The following NECTIN3 variants were observed in gnomAD, a reference collection of about 807,000 sequenced individuals.
The protein encoded by NECTIN3 is nectin cell adhesion molecule 3, also known as nectin-3.
NECTIN3 carries 8 observed loss-of-function variants against 49.4 expected under a neutral mutation model. The observed-to-expected ratio is 0.16, with a 90% confidence interval of 0.10 to 0.29. NECTIN3 has a LOEUF of 0.29. Ranked by LOEUF, NECTIN3 falls within the 10% of genes least tolerant of loss-of-function variation. The probability of loss-of-function intolerance (pLI) is 1.00; values close to 1 mark genes in which losing one functional copy is unlikely to be tolerated. For synonymous variants in NECTIN3, 277 were observed against 241.1 expected, an observed-to-expected ratio of 1.15 and a Z score of -1.38; for missense variants, 581 against 654.6, an observed-to-expected ratio of 0.89 and a Z score of 1.23.
chr3:111,126,666 A>T (rs115910062), intron 5 of NECTIN3, among the ~76,000 whole-genome samples: 1,528 of 152,264 alleles, frequency 0.01, 33 homozygotes, highest in African/African-American at 0.033. Context: ...TACACTAAGA[A>T]CAAATAGTGA....
chr3:111,082,398 A>G (rs1351787021), intron 1 of NECTIN3, among the ~76,000 whole-genome samples: 1 of 152,112 alleles, frequency 6.6e-6, no homozygotes, highest in African/African-American at 2.4e-5. Flanking sequence ...GAGAGTGAGA[A>G]GAAAAAAGTG....
At chr3:111,173,706 T>C (rs1403318003) in intron 7 of NECTIN3, among the ~76,000 whole-genome samples, 2 of 152,214 alleles carry the variant, frequency 1.3e-5, no homozygotes, top group East Asian at 1.9e-4. Flanking sequence ...ATAATCTCTT[T>C]TATTATCCAC....
At chr3:111,118,261 TA>T (rs1559789286) in intron 2 of NECTIN3, among the ~76,000 whole-genome samples, 2 of 125,554 alleles carry the variant, frequency 1.6e-5, no homozygotes, top group Admixed American at 1.7e-4. Flanking sequence ...TATATATATA[TA>T]TATATATATA....
rs2034499762 is a variant in NECTIN3 at position 111,134,252 on chromosome 3, A to AT, written c.*39dup. 2.0e-6 allele frequency: 3 copies of AT among 1,528,928 alleles called. No homozygotes were observed. The highest frequency in any genetic ancestry group is 2.2e-5 in the Admixed American group (1 of 46,028). The allele number at this position is 1,528,928 out of a possible 1,614,324, so 94.7% of individuals were successfully genotyped here. The stretch of plus-strand genomic sequence containing the variant: ...TGTGACTTAACTATGTACAATGTTC[A>AT]TTCACACTAGTTGATCATTTTCAGA... On this transcript the variant is annotated 3_prime_UTR_variant, in exon 6 of 6. Transcript: ENST00000485303.
rs1489298089 is a variant in NECTIN3 at position 111,136,038 on chromosome 3, A to T, written c.*1823A>T. ...AGTTTTTGGAAGAAAACTTTTTGAT[A>T]AAACACTGTGATTGATGTGACTTTA... On this transcript the variant is annotated 3_prime_UTR_variant, in exon 6 of 6. Transcript: ENST00000485303. 1.0e-6 allele frequency: 1 copy of T among 979,568 alleles called. No individual in the cohort carries two copies. The highest frequency in any genetic ancestry group is 6.2e-5 in the Admixed American group (1 of 16,144). 60.7% of individuals were successfully genotyped at this position (979,568 alleles called of 1,614,324 possible).
chr3:111,100,434 A>G (rs1465365758), intron 1 of NECTIN3, among the ~76,000 whole-genome samples: 1 of 152,156 alleles, frequency 6.6e-6, no homozygotes, highest in East Asian at 1.9e-4. Context: ...AATACTGTGT[A>G]AAATTACTTT....
upstream of NECTIN3, among the ~76,000 whole-genome samples, chr3:111,191,918 G>A (rs987623998): frequency 2.6e-5 from 4 of 152,152 alleles, no homozygotes; most frequent in African/African-American, 9.7e-5. Flanking sequence ...TGTGACCTCT[G>A]CTTCCCCAAT....
chr3:111,093,917 A>G (rs2107399970), intron 1 of NECTIN3, among the ~76,000 whole-genome samples: 1 of 152,334 alleles, frequency 6.6e-6, no homozygotes. Flanking sequence ...TTAGTGTGTC[A>G]TAACTTGCAT....
chr3:111,171,669 A>T (rs2035434855), intron 7 of NECTIN3, among the ~76,000 whole-genome samples: 1 of 151,968 alleles, frequency 6.6e-6, no homozygotes, highest in African/African-American at 2.4e-5. Context: ...ATTTATAGAG[A>T]TATTATATGA....
chr3:111,147,566 T>A, intron 7 of NECTIN3: 1 of 1,136,294 alleles, frequency 8.8e-7, no homozygotes, highest in Middle Eastern at 2.0e-4. Context: ...TCTTTCAAAA[T>A]GTTGTTTAGT....
At chr3:111,122,094 C>T in intron 3 of NECTIN3, 27 bp from the exon 4 acceptor site, 2 of 1,398,978 alleles carry the variant, frequency 1.4e-6, no homozygotes, top group Non-Finnish European at 2.0e-6. Context: ...AAAAGGTAAT[C>T]TGTCCTGTCA....
chr3:111,193,274 C>A (rs2035846205), intron 1 of NECTIN3: 1 of 1,535,450 alleles, frequency 6.5e-7, no homozygotes, highest in Non-Finnish European at 8.7e-7. Context: ...AGCAGATGTA[C>A]CCCCTTTACA....
intron 1 of NECTIN3, among the ~76,000 whole-genome samples, chr3:111,091,319 G>A (rs1306605114): frequency 6.6e-6 from 1 of 151,932 alleles, no homozygotes; most frequent in Non-Finnish European, 1.5e-5. Flanking sequence ...GCAGTGGTGC[G>A]ATCTCAGCTC....
chr3:111,134,674 C>G lies in NECTIN3; in HGVS notation c.*459C>G. ...ATCAAAATTGACTATAAAACTAATT[C>G]AAGAAATATTTATATATATTTTTTA... On this transcript the variant is annotated 3_prime_UTR_variant, in exon 6 of 6. Transcript: ENST00000485303. 8.2e-6 allele frequency: 7 copies of G among 855,092 alleles called. No homozygotes were observed. The highest frequency in any genetic ancestry group is 8.4e-6 in the Non-Finnish European group (6 of 711,582). 53.0% of individuals were successfully genotyped at this position (855,092 alleles called of 1,614,324 possible).
Position 111,124,359 on chromosome 3 carries a change from A to G in NECTIN3, c.918-1825A>G, listed in dbSNP as rs78682110. Among the ~76,000 whole-genome samples the G allele has an allele frequency of 4.2e-3, 634 of 152,296 alleles. 4 individuals carry two copies. The highest frequency in any genetic ancestry group is 0.015 in the African/African-American group (614 of 41,566). The stretch of plus-strand genomic sequence containing the variant: ...ATATAAGTCATGTAACATAGACACA[A>G]GGGCATAGAAGATGCTTTTGTTGTA... On this transcript the variant is annotated intron_variant, in intron 4 of 5. Coordinates refer to ENST00000485303, the MANE Select transcript of NECTIN3 (RefSeq NM_015480.3).
chr3:111,087,343 T>G (rs910875855), intron 1 of NECTIN3, among the ~76,000 whole-genome samples: 13 of 152,140 alleles, frequency 8.5e-5, no homozygotes, highest in African/African-American at 3.1e-4. Flanking sequence ...AATTTTTTTG[T>G]AGCATTTAAA....
intron 1 of NECTIN3, among the ~76,000 whole-genome samples, chr3:111,097,906 G>A (rs2032682194): frequency 6.6e-6 from 1 of 152,162 alleles, no homozygotes; most frequent in Non-Finnish European, 1.5e-5. Flanking sequence ...GTATAAAAAT[G>A]AAGCTGCTCT....
chr3:111,143,888 T>C (rs1056544999), intron 5 of NECTIN3, among the ~76,000 whole-genome samples: 1 of 152,038 alleles, frequency 6.6e-6, no homozygotes, highest in Admixed American at 6.6e-5. Flanking sequence ...TATCTTTATT[T>C]ATAGAATATT....
chr3:111,078,032 A>G (rs1043335374), intron 1 of NECTIN3, among the ~76,000 whole-genome samples: 12 of 152,244 alleles, frequency 7.9e-5, no homozygotes, highest in Non-Finnish European at 1.8e-4. Flanking sequence ...GAGATATTTT[A>G]CATTTTCTTT....
Sources: allele counts gnomAD v4.1 joint callset (sites outside exome capture counted in the v4.1 genomes callset), GRCh38; gene constraint gnomAD v4.1.1; transcripts MANE v1.5; gene names NCBI Gene and HGNC (gene_info 2026-07-23, HGNC 2026-07-21).